The following RASGRF2 variants were observed in gnomAD, a reference collection of about 807,000 sequenced individuals.
The protein encoded by RASGRF2 is ras-specific guanine nucleotide-releasing factor 2.
A neutral mutation model predicts 151.0 loss-of-function variants in RASGRF2; 76 were observed. The ratio of observed to expected loss-of-function variants is 0.50; its 90% CI spans 0.42 to 0.61. RASGRF2 has a LOEUF of 0.61. RASGRF2 is among the 20% of genes least tolerant of loss of function. The probability of loss-of-function intolerance (pLI) is 0.00; values close to 1 mark genes in which losing one functional copy is unlikely to be tolerated. For synonymous variants in RASGRF2, 504 were observed against 566.5 expected (o/e 0.89, Z 1.57); for missense variants, 1,148 against 1,564.6 (o/e 0.73, Z 4.49).
chr5:81,053,121 ATTCTT>A, intron 2 of RASGRF2, among the ~76,000 whole-genome samples: 1 of 152,014 alleles, frequency 6.6e-6, no homozygotes, highest in African/African-American at 2.4e-5. Flanking sequence ...GGATAAGATA[ATTCTT>A]TTCTTTTTTT....
chr5:81,118,197 G>T (rs570502518), intron 15 of RASGRF2, among the ~76,000 whole-genome samples: 2 of 152,338 alleles, frequency 1.3e-5, no homozygotes, highest in African/African-American at 4.8e-5. Context: ...CCTGCAATAG[G>T]TCTCTGCCTG....
At chr5:81,080,084 T>C in intron 5 of RASGRF2, 37 bp from the exon 6 acceptor site, 1 of 1,582,994 alleles carries the variant, frequency 6.3e-7, no homozygotes, top group Non-Finnish European at 8.5e-7. Flanking sequence ...AAACACATTA[T>C]AGCAACTAAA....
chr5:81,213,892 G>A (rs1340042248), intron 23 of RASGRF2, among the ~76,000 whole-genome samples: 8 of 152,216 alleles, frequency 5.3e-5, no homozygotes, highest in African/African-American at 1.9e-4. Context: ...TTTGTTTTGA[G>A]ATGATTATAG....
chr5:81,166,841 C>T (rs145785554), intron 17 of RASGRF2, among the ~76,000 whole-genome samples: 18 of 152,142 alleles, frequency 1.2e-4, no homozygotes, highest in African/African-American at 4.3e-4. Context: ...TTTCTAAGGC[C>T]GTTCATTGAG....
intron 1 of RASGRF2, among the ~76,000 whole-genome samples, chr5:80,986,405 G>C (rs149917984): frequency 1.3e-4 from 20 of 152,284 alleles, no homozygotes; most frequent in Middle Eastern, 3.4e-3. Flanking sequence ...GTATCTGTCT[G>C]TCTTTTATTC....
chr5:81,073,492 C>T (rs531379334), intron 5 of RASGRF2, 40 bp downstream of exon 5: 1 of 1,563,666 alleles, frequency 6.4e-7, no homozygotes, highest in South Asian at 1.2e-5. Context: ...GAGAAAAACC[C>T]CTTTGTATTT....
intron 9 of RASGRF2, among the ~76,000 whole-genome samples, chr5:81,090,900 T>C (rs1164069541): frequency 1.3e-5 from 2 of 152,204 alleles, no homozygotes; most frequent in African/African-American, 2.4e-5. Flanking sequence ...CTTATAGCCT[T>C]TCTGAAAATG....
At chr5:81,074,220 T>C (rs999053528) in intron 5 of RASGRF2, among the ~76,000 whole-genome samples, 1 of 152,196 alleles carries the variant, frequency 6.6e-6, no homozygotes, top group Non-Finnish European at 1.5e-5. Context: ...CCTGCCTTTA[T>C]GGAACTTAAA....
At chr5:81,015,703 A>T (rs1462825583) in intron 1 of RASGRF2, among the ~76,000 whole-genome samples, 2 of 152,260 alleles carry the variant, frequency 1.3e-5, no homozygotes, top group East Asian at 3.9e-4. Flanking sequence ...AGCATATGAC[A>T]TTTTGGATAT....
At chr5:81,069,019 A>G (rs563170712) in intron 3 of RASGRF2, among the ~76,000 whole-genome samples, 1 of 152,362 alleles carries the variant, frequency 6.6e-6, no homozygotes, top group African/African-American at 2.4e-5. Flanking sequence ...ATAGGACACA[A>G]TGAAACCTAC....
At chr5:81,037,036 G>A (rs1263405817) in intron 1 of RASGRF2, among the ~76,000 whole-genome samples, 2 of 152,158 alleles carry the variant, frequency 1.3e-5, no homozygotes, top group South Asian at 4.1e-4. Flanking sequence ...GCAAAGGGAT[G>A]TCTTACATAG....
At chr5:81,166,639 A>C (rs1056851077) in intron 17 of RASGRF2, among the ~76,000 whole-genome samples, 3 of 138,052 alleles carry the variant, frequency 2.2e-5, no homozygotes, top group African/African-American at 7.8e-5. Context: ...GGAGGGATTT[A>C]TGGATACTGA....
intron 1 of RASGRF2, among the ~76,000 whole-genome samples, chr5:81,016,767 T>C (rs9293828): frequency 0.2 from 30,414 of 152,168 alleles, 3,543 homozygotes; most frequent in African/African-American, 0.33. Context: ...TGAAGGCTAA[T>C]GCTTTGCTTT....
intron 17 of RASGRF2, among the ~76,000 whole-genome samples, chr5:81,164,552 AT>A (rs1451215280): frequency 6.6e-6 from 1 of 152,062 alleles, no homozygotes; most frequent in African/African-American, 2.4e-5. Flanking sequence ...GGCAGAAAAT[AT>A]TTTTTTACAA....
chr5:81,206,643 G>C (rs558781458), intron 19 of RASGRF2, among the ~76,000 whole-genome samples: 2 of 152,290 alleles, frequency 1.3e-5, no homozygotes, highest in South Asian at 2.1e-4. Flanking sequence ...TAAATCAGCT[G>C]TCCTGATGAT....
intron 1 of RASGRF2, among the ~76,000 whole-genome samples, chr5:80,999,914 A>G (rs1229312352): frequency 6.6e-6 from 1 of 152,234 alleles, no homozygotes; most frequent in Non-Finnish European, 1.5e-5. Context: ...AGTTTAAAAC[A>G]TCAATCACTT....
At chr5:80,961,759 A>C (rs1419565708) in intron 1 of RASGRF2, among the ~76,000 whole-genome samples, 4 of 152,102 alleles carry the variant, frequency 2.6e-5, no homozygotes, top group Admixed American at 2.6e-4. Context: ...CTGGGTCATA[A>C]TTTTATTAGT....
intron 2 of RASGRF2, among the ~76,000 whole-genome samples, chr5:81,059,383 CAAA>C (rs35051372): frequency 4.5e-5 from 4 of 89,676 alleles, no homozygotes; most frequent in Non-Finnish European, 6.5e-5. Flanking sequence ...GACTCCGCCT[CAAA>C]AAAAAAAAAA....
At chr5:81,208,314 A>G (rs774352540) in intron 21 of RASGRF2, 40 bp from the exon 22 acceptor site, 2 of 1,549,608 alleles carry the variant, frequency 1.3e-6, no homozygotes, top group African/African-American at 1.4e-5. Flanking sequence ...CCATATTTTT[A>G]AAAACTTAAT....
Sources: gnomAD v4.1 joint callset for allele counts (sites outside exome capture counted in the v4.1 genomes callset) on GRCh38, gnomAD v4.1.1 for gene constraint, MANE v1.5 for transcripts, NCBI Gene and HGNC (gene_info 2026-07-23, HGNC 2026-07-21) for gene names.